UTP20: variants seen among roughly 807,000 people sequenced by gnomAD.
UTP20 encodes UTP20 small subunit processome component.
UTP20 carries 164 observed loss-of-function variants against 329.5 expected under a neutral mutation model. The observed-to-expected ratio is 0.50, with a 90% CI of 0.44 to 0.57. The LOEUF (loss-of-function observed/expected upper bound fraction) is 0.57, where lower values mean the gene tolerates loss of function less well. UTP20 is among the 20% of genes least tolerant of loss of function. The probability of loss-of-function intolerance (pLI) is 0.00; values close to 1 mark genes in which losing one functional copy is unlikely to be tolerated. For synonymous variants in UTP20, 1,151 were observed against 1,159.3 expected (o/e 0.99, Z 0.14); for missense variants, 3,055 against 3,284.2 (o/e 0.93, Z 1.71).
At chr12:101,380,016 A>G (rs1157581789) in intron 57 of UTP20, among the ~76,000 whole-genome samples, 1 of 152,088 alleles carries the variant, frequency 6.6e-6, no homozygotes, top group Non-Finnish European at 1.5e-5. Flanking sequence ...GGAAAATAAG[A>G]TAAATACTGT....
Position 101,317,495 on chromosome 12 carries a change from C to A in UTP20, c.2570C>A (p.Ala857Glu). Reference protein sequence around the residue: ...LRFINNEYYPADLQVAPTQDL... With the variant: ...LRFINNEYYPEDLQVAPTQDL... ...CACGGTAGCAATGAGTATTACCCAG[C>A]AGATCTGCAAGTTGCTCCAACCCAG... The change falls in exon 22 of 62, where the codon GCA (alanine) becomes GAA (glutamate). Residue 857 changes from alanine (A) to glutamate (E), a missense_variant. By Grantham distance (107) the Ala-to-Glu change is moderately radical. Coordinates refer to ENST00000261637, the MANE Select transcript of UTP20 (RefSeq NM_014503.3). 2 of 1,614,018 alleles carry A rather than the reference C, an allele frequency of 1.2e-6. No homozygotes were observed. The highest frequency in any genetic ancestry group is 1.1e-5 in the South Asian group (1 of 91,064).
chr12:101,304,668 A>G (rs1352521561), intron 15 of UTP20, among the ~76,000 whole-genome samples: 1 of 152,196 alleles, frequency 6.6e-6, no homozygotes. Flanking sequence ...ACTGGCATCT[A>G]GTGGGTGGAG....
intron 30 of UTP20, 87 bp downstream of exon 30, chr12:101,338,364 A>T: frequency 7.2e-7 from 1 of 1,385,660 alleles, no homozygotes; most frequent in South Asian, 1.2e-5. Flanking sequence ...GTATAATTTG[A>T]CTCACTCGAG....
chr12:101,372,224 A>G (rs2121033860), intron 51 of UTP20, among the ~76,000 whole-genome samples: 1 of 152,348 alleles, frequency 6.6e-6, no homozygotes, highest in East Asian at 1.9e-4. Flanking sequence ...GATGTCGCCT[A>G]GTTCTCACAG....
chr12:101,299,758 A>C lies in UTP20; in HGVS notation c.1507A>C (p.Ile503Leu), dbSNP rs760286700. The C allele has an allele frequency of 6.2e-7, 1 of 1,613,454 alleles. No homozygotes were observed. Among genetic ancestry groups the C allele is most frequent in the South Asian group, 1.1e-5 (1 of 90,816 alleles). ...QFPVLDHLLS[I>L]IKLPPNKDTT... ...TCCAGTATTGGACCATCTTTTATCT[A>C]TAATTAAGTTACCCCCAAATAAAGA... Residue 503 changes from isoleucine (I) to leucine (L), a missense_variant, in exon 13 of 62, where the codon ATA becomes CTA. Around this residue, in one of 3 missense-constraint regions of UTP20, gnomAD observed 2,445 missense variants for 2,575.5 expected, o/e 0.95. Transcript: ENST00000261637.
intron 56 of UTP20, among the ~76,000 whole-genome samples, chr12:101,378,956 C>T (rs1870559545): frequency 2.0e-5 from 3 of 152,114 alleles, no homozygotes; most frequent in South Asian, 4.2e-4. Flanking sequence ...TAAATTGATA[C>T]ATAATTATGC....
intron 14 of UTP20, among the ~76,000 whole-genome samples, chr12:101,301,485 C>T (rs1273339687): frequency 1.3e-4 from 20 of 152,030 alleles, no homozygotes; most frequent in African/African-American, 4.3e-4. Flanking sequence ...CTGGCCAACA[C>T]GGGGAAACCC....
Position 101,371,159 on chromosome 12 carries a change from G to T in UTP20, c.6789G>T (p.Gln2263His). 6.2e-7 allele frequency: 1 copy of T among 1,613,298 alleles called. No homozygotes were observed. Among genetic ancestry groups the T allele is most frequent in the Non-Finnish European group, 8.5e-7 (1 of 1,179,554 alleles). The change falls in exon 51 of 62, where the codon CAG (glutamine) becomes CAT (histidine). Residue 2263 changes from glutamine to histidine, a missense_variant. This residue lies in a region of UTP20 where 273 missense variants were observed against 363.1 expected (regional missense o/e 0.75). Coordinates refer to ENST00000261637, the MANE Select transcript of UTP20 (RefSeq NM_014503.3). ...CACAAAGCGAACCTGCCAGGGTCCA[G>T]TGTAGACAGGTTTGTAGAGAGCACT... ...VSAQSEPARV[Q>H]CRQVFLKYIL...
At chr12:101,329,506 T>C in intron 27 of UTP20, 57 bp downstream of exon 27, 2 of 1,541,730 alleles carry the variant, frequency 1.3e-6, no homozygotes, top group Non-Finnish European at 1.8e-6. Context: ...TTTCTTGGAT[T>C]TTAATTCCAA....
chr12:101,291,716 C>A, intron 8 of UTP20, 26 bp from the exon 9 acceptor site: 1 of 1,535,674 alleles, frequency 6.5e-7, no homozygotes, highest in South Asian at 1.3e-5. Flanking sequence ...ACTTTATATT[C>A]TCTCTGTTAA....
intron 51 of UTP20, among the ~76,000 whole-genome samples, chr12:101,371,704 T>C (rs928206863): frequency 4.0e-5 from 6 of 151,864 alleles, no homozygotes; most frequent in Admixed American, 3.9e-4. Flanking sequence ...CAGCTAATTT[T>C]TGTATTTTTA....
intron 28 of UTP20, 99 bp downstream of exon 28, chr12:101,333,543 G>A (rs564553134): frequency 2.8e-4 from 402 of 1,436,928 alleles, no homozygotes; most frequent in Non-Finnish European, 3.3e-4. Flanking sequence ...TGCTTACCTG[G>A]GTCTTTCCTT....
chr12:101,285,258 C>T (rs555975591), intron 2 of UTP20, among the ~76,000 whole-genome samples: 22 of 152,074 alleles, frequency 1.4e-4, no homozygotes, highest in Admixed American at 3.3e-4. Context: ...CTGTAAAGAA[C>T]CAACACCTTA....
intron 5 of UTP20, among the ~76,000 whole-genome samples, chr12:101,287,622 T>A (rs1872001980): frequency 6.6e-6 from 1 of 152,210 alleles, no homozygotes; most frequent in South Asian, 2.1e-4. Context: ...TGCCAGGCCC[T>A]GTTTGGTTGC....
Position 101,354,909 on chromosome 12 carries a change from A to G in UTP20, c.5185A>G (p.Thr1729Ala), listed in dbSNP as rs758462757. ...TGTGGATGAGGAAGAGAAGGAATAT[A>G]CATGCAAGAGTTTGTCAGACAACGG... ...ERVDEEEKEY[T>A]CKSLSDNGQP... is the part of the protein sequence containing the mutation. Residue 1729 changes from threonine (T) to alanine (A), a missense_variant, in exon 41 of 62, where the codon ACA becomes GCA. Around this residue, in one of 3 missense-constraint regions of UTP20, gnomAD observed 2,445 missense variants for 2,575.5 expected, o/e 0.95. Transcript: ENST00000261637. The G allele has an allele frequency of 3.1e-6, 5 of 1,614,222 alleles. No homozygotes were observed. The highest frequency in any genetic ancestry group is 1.6e-4 in the Middle Eastern group (1 of 6,062).
chr12:101,375,788 A>T (rs1410947854), intron 56 of UTP20, 32 bp downstream of exon 56: 1 of 1,351,806 alleles, frequency 7.4e-7, no homozygotes, highest in Admixed American at 2.0e-5. Context: ...TAAATCAAAC[A>T]CATTTGTTGT....
At position 101,291,953 on chromosome 12, in the gene UTP20, GT is replaced by G. The variant is rs1444549450; in HGVS notation, c.1039-11del. 2 of 1,610,302 alleles carry G rather than the reference GT, an allele frequency of 1.2e-6. No homozygotes were observed. Among genetic ancestry groups the G allele is most frequent in the Admixed American group, 3.4e-5 (2 of 59,346 alleles). ...AAAAGCTGATTGCTGAGTATGCATTGTTTTTTCTTTTTGCAGGTGTTATCTC... is the reference window on the plus strand; with the variant it reads ...AAAAGCTGATTGCTGAGTATGCATTGTTTTTCTTTTTGCAGGTGTTATCTC... On this transcript the variant is annotated splice_polypyrimidine_tract_variant and intron_variant, in intron 9 of 61. Transcript: ENST00000261637.
In UTP20 at chr12:101,333,401, C is replaced by T; in HGVS notation, c.3518C>T (p.Thr1173Ile). The T allele has an allele frequency of 1.2e-6, 2 of 1,613,958 alleles. No homozygotes were observed. The highest frequency in any genetic ancestry group is 2.2e-5 in the East Asian group (1 of 44,858). The change falls in exon 28 of 62, where the codon ACA becomes ATA. Residue 1173 changes from threonine to isoleucine, a missense_variant. Physicochemically the swap from Thr to Ile is moderately conservative, Grantham distance 89. This residue lies in a region of UTP20 where 2,445 missense variants were observed against 2,575.5 expected (regional missense o/e 0.95). Coordinates refer to ENST00000261637, the MANE Select transcript of UTP20 (RefSeq NM_014503.3). ...GACTGGGAATCATATCAGTTTAGAA[C>T]AGAAGAAATTGATGCTGTGTTTCAT... Reference protein sequence around the residue: ...FLDWESYQFRTEEIDAVFHGA... With the variant: ...FLDWESYQFRIEEIDAVFHGA...
chr12:101,354,990 G>C lies in UTP20; in HGVS notation c.5266G>C (p.Glu1756Gln). Residue 1756 changes from glutamate (E) to glutamine (Q), a missense_variant, in exon 41 of 62, where the codon GAG (glutamate) becomes CAG (glutamine). Around this residue, in one of 3 missense-constraint regions of UTP20, gnomAD observed 2,445 missense variants for 2,575.5 expected, o/e 0.95. Coordinates refer to ENST00000261637, the MANE Select transcript of UTP20 (RefSeq NM_014503.3). ...DSGGTSAKES[E>Q]CITKPVSFLP... is the part of the protein sequence containing the mutation. Reference sequence around the variant, plus strand: ...TGGAGGAACATCAGCTAAAGAATCCGAGTGTATCACAAAGCCTGTCTCTTT... The same window carrying C: ...TGGAGGAACATCAGCTAAAGAATCCCAGTGTATCACAAAGCCTGTCTCTTT... The C allele has an allele frequency of 6.2e-7, 1 of 1,614,180 alleles. No homozygotes were observed. The highest frequency in any genetic ancestry group is 8.5e-7 in the Non-Finnish European group (1 of 1,180,036).
Sources: allele counts gnomAD v4.1 joint callset (sites outside exome capture counted in the v4.1 genomes callset), GRCh38; gene constraint gnomAD v4.1.1; regional missense constraint gnomAD v4.1.1; transcripts MANE v1.5; gene names NCBI Gene and HGNC (gene_info 2026-07-23, HGNC 2026-07-21).